Variants in KCNT2 observed in about 807,000 individuals in gnomAD.
The protein encoded by KCNT2 is potassium channel subfamily T member 2.
Under a neutral mutation model 153.8 loss-of-function variants are expected in KCNT2, and 67 were observed. The ratio of observed to expected loss-of-function variants is 0.44; its 90% CI spans 0.36 to 0.53. The LOEUF is 0.53. Ranked by LOEUF, KCNT2 falls within the 20% of genes least tolerant of loss-of-function variation. The pLI is 0.00. For synonymous variants in KCNT2, 500 were observed against 458.8 expected (o/e 1.09, Z -1.15); for missense variants, 975 against 1,354.8 (o/e 0.72, Z 4.40).
In KCNT2 at chr1:196,496,015, G is replaced by A. The variant is rs906606569; in HGVS notation, c.96-3674C>T. Among the ~76,000 whole-genome samples the A allele has an allele frequency of 4.6e-5, 7 of 151,722 alleles. No individual in the cohort carries two copies. The South Asian group carries it at 1.0e-3, about 22-fold the overall frequency. Reference sequence around the variant, plus strand: ...TTCCAATCTTTAACTTTTTGGTTTTGATATTGGAAATAGCTGCCATGTTGA... The same window carrying A: ...TTCCAATCTTTAACTTTTTGGTTTTAATATTGGAAATAGCTGCCATGTTGA... On this transcript the variant is annotated intron_variant, in intron 1 of 27. Coordinates refer to ENST00000294725, the MANE Select transcript of KCNT2 (RefSeq NM_198503.5).
At chr1:196,483,235 A>G (rs1046107385) in intron 3 of KCNT2, among the ~76,000 whole-genome samples, 2 of 152,164 alleles carry the variant, frequency 1.3e-5, no homozygotes, top group Admixed American at 6.5e-5. Context: ...CTGCATCTGT[A>G]AATACTAAAT....
At chr1:196,281,562 C>T (rs1055569912) in intron 24 of KCNT2, among the ~76,000 whole-genome samples, 6 of 152,068 alleles carry the variant, frequency 3.9e-5, no homozygotes, top group Non-Finnish European at 8.8e-5. Flanking sequence ...TGATACCAGA[C>T]AGGAAACAAA....
chr1:196,234,292 T>C (rs1654216821), intron 27 of KCNT2, among the ~76,000 whole-genome samples: 1 of 151,224 alleles, frequency 6.6e-6, no homozygotes, highest in Non-Finnish European at 1.5e-5. Context: ...ACAGCCCCTC[T>C]TTCCTGCCTG....
At chr1:196,472,840 A>C (rs1230041438) in intron 5 of KCNT2, among the ~76,000 whole-genome samples, 2 of 152,132 alleles carry the variant, frequency 1.3e-5, no homozygotes, top group Non-Finnish European at 2.9e-5. Flanking sequence ...TGTTAAGCCT[A>C]GTTAGCCACC....
chr1:196,380,761 C>G (rs546993140), intron 13 of KCNT2, among the ~76,000 whole-genome samples: 148 of 152,226 alleles, frequency 9.7e-4, no homozygotes, highest in African/African-American at 3.3e-3. Context: ...TTATTAGATT[C>G]TATTTGCAAG....
Position 196,237,638 on chromosome 1 carries a change from C to T in KCNT2, c.3212-1568G>A, listed in dbSNP as rs1654562017. 4.6e-5 allele frequency among the ~76,000 whole-genome samples: 7 copies of T among 151,734 alleles called. No homozygotes were observed. In the Admixed American group the frequency reaches 4.6e-4, roughly 10 times the overall value. On this transcript the variant is annotated intron_variant, in intron 26 of 27. Coordinates refer to ENST00000294725, the MANE Select transcript of KCNT2 (RefSeq NM_198503.5). The stretch of plus-strand genomic sequence containing the variant: ...GGAGTACAATGGCTTGATCATATAA[C>T]TAATGTTTTTTAGAATAAATGTATC...
intron 1 of KCNT2, among the ~76,000 whole-genome samples, chr1:196,587,994 A>C (rs111378990): frequency 9.2e-5 from 14 of 152,154 alleles, no homozygotes; most frequent in African/African-American, 3.4e-4. Context: ...TCTTGCCTTG[A>C]TAAGATAGTG....
intron 14 of KCNT2, among the ~76,000 whole-genome samples, chr1:196,348,102 A>C (rs947837751): frequency 4.6e-5 from 7 of 152,076 alleles, no homozygotes; most frequent in African/African-American, 1.7e-4. Context: ...ATGCTCAATT[A>C]CTAAATGTTC....
chr1:196,402,114 A>C (rs1046851232), intron 12 of KCNT2, among the ~76,000 whole-genome samples: 1 of 151,560 alleles, frequency 6.6e-6, no homozygotes, highest in Admixed American at 6.6e-5. Context: ...AAAATAAAGA[A>C]ATGTACTTTC....
At chr1:196,261,589 C>A (rs887313896) in intron 25 of KCNT2, among the ~76,000 whole-genome samples, 6 of 151,842 alleles carry the variant, frequency 4.0e-5, no homozygotes, top group African/African-American at 1.4e-4. Context: ...GAGAGGGAAT[C>A]ATTCATATTT....
intron 25 of KCNT2, among the ~76,000 whole-genome samples, chr1:196,264,059 AT>A (rs755786943): frequency 5.3e-5 from 8 of 150,402 alleles, no homozygotes; most frequent in East Asian, 2.0e-4. Flanking sequence ...CCTGCTGGTG[AT>A]TTTTTTTTCT....
At chr1:196,605,701 C>A (rs572813493) in intron 1 of KCNT2, among the ~76,000 whole-genome samples, 6 of 151,954 alleles carry the variant, frequency 3.9e-5, no homozygotes, top group African/African-American at 1.4e-4. Flanking sequence ...GCTATCCAGG[C>A]GTAATTGCAA....
At chr1:196,300,969 A>G (rs1225775000) in intron 22 of KCNT2, among the ~76,000 whole-genome samples, 1 of 151,992 alleles carries the variant, frequency 6.6e-6, no homozygotes, top group Non-Finnish European at 1.5e-5. Flanking sequence ...CTCTCTCCCA[A>G]AGCACAGGAT....
intron 14 of KCNT2, among the ~76,000 whole-genome samples, chr1:196,369,485 C>A (rs1404666798): frequency 2.0e-5 from 3 of 151,660 alleles, no homozygotes; most frequent in Admixed American, 1.3e-4. Context: ...CTCCCCCCAC[C>A]CCACAACAGT....
At chr1:196,550,042 G>A (rs1048629536) in intron 1 of KCNT2, among the ~76,000 whole-genome samples, 2 of 151,842 alleles carry the variant, frequency 1.3e-5, no homozygotes, top group Non-Finnish European at 2.9e-5. Flanking sequence ...CCCCATATCA[G>A]AATGATATAC....
chr1:196,329,811 A>C (rs1475769112), intron 18 of KCNT2, among the ~76,000 whole-genome samples: 1 of 147,370 alleles, frequency 6.8e-6, no homozygotes. Flanking sequence ...ATATATGTGC[A>C]TATAGGTATA....
rs188580951 is a variant in KCNT2 at position 196,264,778 on chromosome 1, T to A, written c.2911-6284A>T. On this transcript the variant is annotated intron_variant, in intron 25 of 27. Coordinates refer to ENST00000294725, the MANE Select transcript of KCNT2 (RefSeq NM_198503.5). ...TCCCGAGCAGCTAAGACCACAGGCATGGAGCATCACGCCTGGCTAATTTTT... is the reference window on the plus strand; with the variant it reads ...TCCCGAGCAGCTAAGACCACAGGCAAGGAGCATCACGCCTGGCTAATTTTT... Among the ~76,000 whole-genome samples the A allele has an allele frequency of 5.3e-5, 8 of 152,178 alleles. No individual in the cohort carries two copies. The South Asian group carries it at 1.0e-3, about 20-fold the overall frequency.
chr1:196,551,017 T>C (rs1365833876), intron 1 of KCNT2, among the ~76,000 whole-genome samples: 1 of 151,834 alleles, frequency 6.6e-6, no homozygotes. Context: ...TCACAGTTCA[T>C]AGTGCATGCT....
At chr1:196,465,666 T>C (rs1165364053) in intron 7 of KCNT2, among the ~76,000 whole-genome samples, 9 of 152,014 alleles carry the variant, frequency 5.9e-5, no homozygotes, top group Admixed American at 5.3e-4. Flanking sequence ...GAACAGGTGT[T>C]GCACTTACTC....
Sources: allele counts gnomAD v4.1 joint callset (sites outside exome capture counted in the v4.1 genomes callset), GRCh38; gene constraint gnomAD v4.1.1; transcripts MANE v1.5; gene names NCBI Gene and HGNC (gene_info 2026-07-23, HGNC 2026-07-21).